STAG1: variants seen among roughly 807,000 people sequenced by gnomAD.
STAG1 encodes the protein cohesin subunit SA-1.
Under a neutral mutation model 170.9 loss-of-function variants are expected in STAG1, and 26 were observed. The observed-to-expected ratio is 0.15, with a 90% confidence interval of 0.11 to 0.21. STAG1 has a LOEUF of 0.21. Among genes scored for constraint, STAG1 ranks in the 10% least tolerant of loss-of-function variants. The pLI, the probability that STAG1 is intolerant of heterozygous loss-of-function variation, is 1.00. For synonymous variants in STAG1, 514 were observed against 497.7 expected (o/e 1.03, Z -0.44); for missense variants, 964 against 1,509.5 (o/e 0.64, Z 5.99).
chr3:136,738,705 G>A (rs1386265445), intron 1 of STAG1, among the ~76,000 whole-genome samples: 2 of 152,154 alleles, frequency 1.3e-5, no homozygotes, highest in Non-Finnish European at 2.9e-5. Flanking sequence ...GGAGGAATAA[G>A]TTCAAGAGAT....
Position 136,524,443 on chromosome 3 carries a change from T to C in STAG1, c.472-3026A>G, listed in dbSNP as rs563515028. On this transcript the variant is annotated intron_variant, in intron 6 of 33. Transcript: ENST00000383202. ...ATGCTTGTGATTTTTCCACATTGAT[T>C]TTGTATCCTGAGACTTTGCTGAAGT... Among the ~76,000 whole-genome samples the C allele has an allele frequency of 8.4e-3, 1,286 of 152,282 alleles. 22 individuals are homozygous for C. Among genetic ancestry groups the C allele is most frequent in the African/African-American group, 0.03 (1,231 of 41,526 alleles).
chr3:136,510,612 TG>T (rs1934014234), intron 7 of STAG1, among the ~76,000 whole-genome samples: 1 of 150,458 alleles, frequency 6.6e-6, no homozygotes, highest in South Asian at 2.1e-4. Context: ...GGGATGTCTT[TG>T]TTTTTTTTTT....
chr3:136,381,454 AGAGAT>A (rs760858752), intron 22 of STAG1, among the ~76,000 whole-genome samples: 132 of 152,338 alleles, frequency 8.7e-4, no homozygotes, highest in Non-Finnish European at 4.3e-4. Context: ...CAGAGAGATT[AGAGAT>A]AAGTATTAAA....
At chr3:136,365,753 T>G (rs571756727) in intron 25 of STAG1, among the ~76,000 whole-genome samples, 1 of 152,078 alleles carries the variant, frequency 6.6e-6, no homozygotes, top group Non-Finnish European at 1.5e-5. Flanking sequence ...CAAGCAGAAG[T>G]TTGCTAACAG....
At chr3:136,370,076 CTATA>C (rs1937245725) in intron 23 of STAG1, among the ~76,000 whole-genome samples, 1 of 150,092 alleles carries the variant, frequency 6.7e-6, no homozygotes, top group Admixed American at 6.7e-5. Context: ...CTATACTATA[CTATA>C]CTATACTATA....
chr3:136,562,218 T>A (rs1007894350), intron 5 of STAG1, among the ~76,000 whole-genome samples: 1 of 152,082 alleles, frequency 6.6e-6, no homozygotes, highest in African/African-American at 2.4e-5. Flanking sequence ...CAGCCACCTG[T>A]CACATTTCTT....
intron 6 of STAG1, among the ~76,000 whole-genome samples, chr3:136,528,184 G>C (rs374891435): frequency 6.6e-6 from 1 of 152,282 alleles, no homozygotes; most frequent in East Asian, 1.9e-4. Context: ...CCCCAGGGTG[G>C]AGTCTACAGA....
intron 6 of STAG1, among the ~76,000 whole-genome samples, chr3:136,531,816 T>C (rs1198122783): frequency 1.3e-5 from 2 of 149,362 alleles, no homozygotes; most frequent in African/African-American, 2.5e-5. Context: ...TGCTAGATGA[T>C]GAGTTAGTGG....
At chr3:136,662,458 T>G (rs772962527) in intron 1 of STAG1, among the ~76,000 whole-genome samples, 3 of 152,024 alleles carry the variant, frequency 2.0e-5, no homozygotes, top group Non-Finnish European at 4.4e-5. Flanking sequence ...GGCCTTAGAC[T>G]CTTTGAGACA....
chr3:136,604,273 A>G, intron 4 of STAG1, 36 bp downstream of exon 4: 1 of 1,578,496 alleles, frequency 6.3e-7, no homozygotes, highest in African/African-American at 1.4e-5. Context: ...TATTAACTGT[A>G]TTGCTTTATA....
At chr3:136,361,902 G>A (rs1936876065) in intron 26 of STAG1, among the ~76,000 whole-genome samples, 1 of 152,004 alleles carries the variant, frequency 6.6e-6, no homozygotes, top group South Asian at 2.1e-4. Context: ...GTGAGCCACT[G>A]TGCTTGGCTT....
intron 1 of STAG1, among the ~76,000 whole-genome samples, chr3:136,653,428 T>C (rs747226862): frequency 6.6e-5 from 10 of 152,208 alleles, no homozygotes; most frequent in Non-Finnish European, 1.2e-4. Context: ...CTTAACTTAA[T>C]TTCTCCAAAA....
At chr3:136,687,369 T>C (rs891685664) in intron 1 of STAG1, among the ~76,000 whole-genome samples, 1 of 152,192 alleles carries the variant, frequency 6.6e-6, no homozygotes, top group Non-Finnish European at 1.5e-5. Context: ...GTCATAAATG[T>C]TTTTGTAATC....
At chr3:136,525,765 A>C (rs922965389) in intron 6 of STAG1, among the ~76,000 whole-genome samples, 2 of 152,116 alleles carry the variant, frequency 1.3e-5, no homozygotes, top group Non-Finnish European at 2.9e-5. Flanking sequence ...ACACTGCTTT[A>C]AATGTGTCCC....
At chr3:136,414,828 T>C (rs2087727128) in intron 21 of STAG1, among the ~76,000 whole-genome samples, 1 of 152,218 alleles carries the variant, frequency 6.6e-6, no homozygotes, top group Non-Finnish European at 1.5e-5. Context: ...AGTGTGACTC[T>C]TCCACTTGAA....
chr3:136,448,892 T>C (rs912298771), intron 14 of STAG1, among the ~76,000 whole-genome samples: 2 of 151,930 alleles, frequency 1.3e-5, no homozygotes, highest in Non-Finnish European at 2.9e-5. Context: ...TGAGTGGAGA[T>C]TGCACCACTG....
At chr3:136,416,934 C>T (rs1039792972) in intron 21 of STAG1, among the ~76,000 whole-genome samples, 6 of 150,450 alleles carry the variant, frequency 4.0e-5, no homozygotes, top group South Asian at 4.2e-4. Context: ...CAACCTCCGT[C>T]TCCCAGGTTC....
intron 23 of STAG1, among the ~76,000 whole-genome samples, chr3:136,369,864 A>G (rs1255828213): frequency 6.6e-6 from 1 of 152,138 alleles, no homozygotes; most frequent in Non-Finnish European, 1.5e-5. Context: ...AAAAATTCCT[A>G]TCACCTAGTG....
chr3:136,451,309 GTACAAC>G, intron 14 of STAG1, among the ~76,000 whole-genome samples: 1 of 152,052 alleles, frequency 6.6e-6, no homozygotes, highest in Non-Finnish European at 1.5e-5. Context: ...TATGAGGCTC[GTACAAC>G]TATCAATTAA....
Sources: allele counts gnomAD v4.1 joint callset (sites outside exome capture counted in the v4.1 genomes callset), GRCh38; gene constraint gnomAD v4.1.1; transcripts MANE v1.5; gene names NCBI Gene and HGNC (gene_info 2026-07-23, HGNC 2026-07-21).